Variants in ANKS1B observed in about 807,000 individuals in gnomAD.
ANKS1B encodes the protein ankyrin repeat and sterile alpha motif domain containing 1B, also known as ankyrin repeat and sterile alpha motif domain-containing protein 1B.
Under a neutral mutation model 148.3 loss-of-function variants are expected in ANKS1B, and 36 were observed. That is an observed-to-expected ratio of 0.24 (90% CI 0.19 to 0.32). The LOEUF (loss-of-function observed/expected upper bound fraction) is 0.32. ANKS1B is among the 10% of genes least tolerant of loss of function. The probability of loss-of-function intolerance (pLI) is 1.00; values close to 1 mark genes in which losing one functional copy is unlikely to be tolerated. For missense variants in ANKS1B, 1,157 were observed against 1,542.6 expected (o/e 0.75, Z 4.19); for synonymous variants, 542 against 560.8 (o/e 0.97, Z 0.47).
intron 10 of ANKS1B, among the ~76,000 whole-genome samples, chr12:99,487,890 G>T (rs975039917): frequency 1.1e-4 from 16 of 151,760 alleles, no homozygotes; most frequent in African/African-American, 3.9e-4. Flanking sequence ...TTCTTCATTT[G>T]TCAATATTCT....
intron 9 of ANKS1B, among the ~76,000 whole-genome samples, chr12:99,625,188 A>G (rs1355762434): frequency 6.6e-6 from 1 of 152,072 alleles, no homozygotes; most frequent in Non-Finnish European, 1.5e-5. Flanking sequence ...AGCGGGAGTT[A>G]AATCTTGGGT....
chr12:99,215,353 C>G (rs2083996895), intron 14 of ANKS1B, among the ~76,000 whole-genome samples: 1 of 152,172 alleles, frequency 6.6e-6, no homozygotes, highest in Non-Finnish European at 1.5e-5. Flanking sequence ...GGGGTCAGAT[C>G]CCCCACACAG....
chr12:98,949,642 T>C (rs2099851131), intron 17 of ANKS1B: 1 of 152,238 alleles, frequency 6.6e-6, no homozygotes, highest in Non-Finnish European at 1.5e-5. Flanking sequence ...ATAAAAACTC[T>C]CTTCCTGAAA....
At chr12:99,507,141 A>C (rs2096719798) in intron 9 of ANKS1B, among the ~76,000 whole-genome samples, 3 of 151,982 alleles carry the variant, frequency 2.0e-5, no homozygotes, top group South Asian at 2.1e-4. Context: ...TTCAGTTAAT[A>C]TTGTTCACCA....
rs373630692 is a variant in ANKS1B, at chr12:99,239,876, T to C, written c.2419+4466A>G. ...ACAGACAAGCAAATGCTGAGAGATT[T>C]TGTCACCACCAGGCCTACCTTACAA... On this transcript the variant is annotated intron_variant, in intron 14 of 26. Coordinates refer to ENST00000683438, the MANE Select transcript of ANKS1B (RefSeq NM_001352186.2). Among the ~76,000 whole-genome samples, 6 of 152,122 alleles carry C rather than the reference T, an allele frequency of 3.9e-5. No individual in the cohort carries two copies. In the East Asian group the frequency reaches 9.6e-4, roughly 24 times the overall value.
At chr12:98,855,744 T>G (rs149036735) in intron 17 of ANKS1B, among the ~76,000 whole-genome samples, 74 of 150,238 alleles carry the variant, frequency 4.9e-4, no homozygotes, top group African/African-American at 1.7e-3. Flanking sequence ...AAACTGGCTC[T>G]TGGCCAGTGA....
intron 17 of ANKS1B, among the ~76,000 whole-genome samples, chr12:98,918,096 C>T (rs1567776668): frequency 6.6e-6 from 1 of 152,200 alleles, no homozygotes; most frequent in East Asian, 1.9e-4. Flanking sequence ...TGATACCTAC[C>T]ATGTCAATAG....
At chr12:99,787,972 T>A (rs1448239910) in intron 4 of ANKS1B, among the ~76,000 whole-genome samples, 6 of 152,044 alleles carry the variant, frequency 3.9e-5, no homozygotes, top group Admixed American at 1.3e-4. Context: ...GGAATGTGAG[T>A]CTCTCAACAA....
intron 1 of ANKS1B, among the ~76,000 whole-genome samples, chr12:99,931,908 T>C (rs971876690): frequency 3.9e-5 from 6 of 152,094 alleles, no homozygotes; most frequent in Non-Finnish European, 8.8e-5. Flanking sequence ...CCATTAACCA[T>C]CCCCACTGCC....
intron 17 of ANKS1B, among the ~76,000 whole-genome samples, chr12:98,950,404 G>A (rs934687226): frequency 3.9e-5 from 6 of 152,168 alleles, no homozygotes; most frequent in Non-Finnish European, 7.4e-5. Context: ...GGCTGAGGCA[G>A]GAGAATAACT....
chr12:99,436,892 T>C (rs994962519), intron 11 of ANKS1B, among the ~76,000 whole-genome samples: 5 of 151,938 alleles, frequency 3.3e-5, no homozygotes. Context: ...TTTCTTTACC[T>C]CTACAGCCTC....
chr12:98,891,965 C>A (rs2099753725), intron 17 of ANKS1B, among the ~76,000 whole-genome samples: 1 of 152,136 alleles, frequency 6.6e-6, no homozygotes, highest in African/African-American at 2.4e-5. Flanking sequence ...GCTATAAAAT[C>A]CAAAATGTGT....
rs115261940 is a variant in ANKS1B, at chr12:99,308,247, T to C, written c.1757-61383A>G. Among the ~76,000 whole-genome samples, 873 of 152,212 alleles carry C rather than the reference T, an allele frequency of 5.7e-3. 12 individuals are homozygous for C. Among genetic ancestry groups the C allele is most frequent in the African/African-American group, 0.02 (826 of 41,566 alleles). On this transcript the variant is annotated intron_variant, in intron 12 of 26. Coordinates refer to ENST00000683438, the MANE Select transcript of ANKS1B (RefSeq NM_001352186.2). ...GAGAATTAAGACATAACATATCAGA[T>C]ACATTTGAAGCACCCTATGTATTAC...
At chr12:99,309,993 C>T (rs2082913610) in intron 12 of ANKS1B, among the ~76,000 whole-genome samples, 1 of 152,080 alleles carries the variant, frequency 6.6e-6, no homozygotes, top group South Asian at 2.1e-4. Flanking sequence ...TGTGGATCCA[C>T]ATAGTGTTGC....
At chr12:99,025,566 T>A (rs1200655608) in intron 17 of ANKS1B, among the ~76,000 whole-genome samples, 1 of 152,168 alleles carries the variant, frequency 6.6e-6, no homozygotes, top group Admixed American at 6.5e-5. Context: ...TCACTGTAGA[T>A]AAGCTGGAAG....
At chr12:99,116,913 C>T (rs528606405) in intron 15 of ANKS1B, among the ~76,000 whole-genome samples, 25 of 152,292 alleles carry the variant, frequency 1.6e-4, no homozygotes, top group Non-Finnish European at 2.9e-4. Flanking sequence ...AGAGGTCCTT[C>T]ACATCCCTTG....
chr12:99,361,586 T>C (rs2092465616), intron 12 of ANKS1B, among the ~76,000 whole-genome samples: 1 of 152,104 alleles, frequency 6.6e-6, no homozygotes, highest in Non-Finnish European at 1.5e-5. Flanking sequence ...GATGAGAAGT[T>C]TGGAGTCAAC....
chr12:99,368,291 G>A (rs2092897095), intron 12 of ANKS1B, among the ~76,000 whole-genome samples: 1 of 152,000 alleles, frequency 6.6e-6, no homozygotes, highest in Non-Finnish European at 1.5e-5. Context: ...TCACGACCTA[G>A]GTGACAGGAT....
intron 9 of ANKS1B, among the ~76,000 whole-genome samples, chr12:99,530,954 T>C (rs2096982706): frequency 6.6e-6 from 1 of 152,188 alleles, no homozygotes; most frequent in Admixed American, 6.5e-5. Flanking sequence ...ATATGCCTGA[T>C]ATACTCAGTA....
Sources: gnomAD v4.1 joint callset for allele counts (sites outside exome capture counted in the v4.1 genomes callset) on GRCh38, gnomAD v4.1.1 for gene constraint, MANE v1.5 for transcripts, NCBI Gene and HGNC (gene_info 2026-07-23, HGNC 2026-07-21) for gene names.